UGT8: variants seen among roughly 807,000 people sequenced by gnomAD.
UGT8 encodes the protein 2-hydroxyacylsphingosine 1-beta-galactosyltransferase.
Under a neutral mutation model 40.5 loss-of-function variants are expected in UGT8, and 12 were observed. That is an observed-to-expected ratio of 0.30 (90% CI 0.19 to 0.48). The LOEUF (loss-of-function observed/expected upper bound fraction) is 0.48. Ranked by LOEUF, UGT8 falls within the 20% of genes least tolerant of loss-of-function variation. The pLI is 0.99. For synonymous variants in UGT8, 224 were observed against 240.4 expected (o/e 0.93, Z 0.63); for missense variants, 513 against 648.7 (o/e 0.79, Z 2.27).
intron 1 of UGT8, among the ~76,000 whole-genome samples, chr4:114,602,506 T>A (rs1730500879): frequency 6.6e-6 from 1 of 152,238 alleles, no homozygotes; most frequent in African/African-American, 2.4e-5. Flanking sequence ...ATCTCCTTAA[T>A]CTGAAGCATT....
chr4:114,619,034 T>C (rs766553265), intron 1 of UGT8, among the ~76,000 whole-genome samples: 4 of 152,118 alleles, frequency 2.6e-5, no homozygotes, highest in Non-Finnish European at 5.9e-5. Flanking sequence ...TTAAGATTTA[T>C]ATGGATATCC....
chr4:114,640,312 G>A (rs145290810), intron 2 of UGT8, among the ~76,000 whole-genome samples: 2,673 of 152,226 alleles, frequency 0.018, 32 homozygotes, highest in Non-Finnish European at 0.028. Context: ...TTACAGGCGT[G>A]AGCCACCGCG....
chr4:114,623,788 A>G (rs1732007928), intron 2 of UGT8, 86 bp downstream of exon 2: 2 of 1,431,256 alleles, frequency 1.4e-6, no homozygotes, highest in Admixed American at 2.8e-5. Flanking sequence ...TGTTATTTAT[A>G]TATATTGTAT....
chr4:114,631,496 A>G (rs1732573001), intron 2 of UGT8, among the ~76,000 whole-genome samples: 1 of 152,244 alleles, frequency 6.6e-6, no homozygotes, highest in Non-Finnish European at 1.5e-5. Context: ...CAACAAAAAC[A>G]ACAATAAAAG....
At chr4:114,653,283 A>C (rs1733992293) in intron 2 of UGT8, among the ~76,000 whole-genome samples, 1 of 152,146 alleles carries the variant, frequency 6.6e-6, no homozygotes, top group South Asian at 2.1e-4. Context: ...ATGACGTTAT[A>C]GTCGTAGAAT....
chr4:114,619,901 G>A (rs1731677279), intron 1 of UGT8, among the ~76,000 whole-genome samples: 1 of 151,356 alleles, frequency 6.6e-6, no homozygotes, highest in Non-Finnish European at 1.5e-5. Flanking sequence ...TATTTTATTT[G>A]TATTGCTTAG....
In UGT8 at chr4:114,676,145, G is replaced by T. The variant is rs545962121; in HGVS notation, c.1483G>T (p.Val495Leu). The change falls in exon 6 of 6, where the codon GTG (valine) becomes TTG (leucine). Residue 495 changes from valine (V) to leucine (L), a missense_variant. This residue lies in a region of UGT8 where 175 missense variants were observed against 186.7 expected (regional missense o/e 0.94). Transcript: ENST00000310836. Reference sequence around the variant, plus strand: ...CTTGTTATACTTTCTCTTGTCTTGGGTGACAAAATTTATCTACAGAAAAAT... The same window carrying T: ...CTTGTTATACTTTCTCTTGTCTTGGTTGACAAAATTTATCTACAGAAAAAT... ...AALLYFLLSWVTKFIYRKIKS... is the reference protein window; with the variant it reads ...AALLYFLLSWLTKFIYRKIKS... 6.2e-7 allele frequency: 1 copy of T among 1,614,006 alleles called. No individual in the cohort carries two copies. Among genetic ancestry groups the T allele is most frequent in the South Asian group, 1.1e-5 (1 of 91,078 alleles).
intron 2 of UGT8, among the ~76,000 whole-genome samples, chr4:114,635,028 C>T (rs1170671101): frequency 7.1e-6 from 1 of 141,574 alleles, no homozygotes; most frequent in Non-Finnish European, 1.6e-5. Context: ...ACTAGTGAAG[C>T]TTTTTTTTTT....
At chr4:114,631,297 C>T (rs900234242) in intron 2 of UGT8, among the ~76,000 whole-genome samples, 1 of 152,128 alleles carries the variant, frequency 6.6e-6, no homozygotes, top group African/African-American at 2.4e-5. Context: ...GCCTGGCCAA[C>T]ATGATGTAAC....
intron 2 of UGT8, among the ~76,000 whole-genome samples, chr4:114,661,867 A>G (rs572998466): frequency 1.3e-5 from 2 of 152,330 alleles, no homozygotes; most frequent in South Asian, 4.1e-4. Flanking sequence ...TTCACGTATC[A>G]GTAAAGGCTA....
intron 2 of UGT8, among the ~76,000 whole-genome samples, chr4:114,635,276 C>T (rs943047704): frequency 3.3e-5 from 5 of 151,132 alleles, no homozygotes; most frequent in African/African-American, 1.2e-4. Flanking sequence ...ACTTGAAGCC[C>T]GGAGGCAGAG....
At chr4:114,600,345 C>T (rs1730368316) in intron 1 of UGT8, among the ~76,000 whole-genome samples, 1 of 152,118 alleles carries the variant, frequency 6.6e-6, no homozygotes, top group African/African-American at 2.4e-5. Context: ...GTATCAATGA[C>T]GTGAATGTTA....
At chr4:114,632,213 G>C (rs945811370) in intron 2 of UGT8, among the ~76,000 whole-genome samples, 11 of 152,108 alleles carry the variant, frequency 7.2e-5, no homozygotes, top group African/African-American at 2.4e-4. Flanking sequence ...TTAATTAGCT[G>C]GTTAACAGAG....
chr4:114,612,937 A>G (rs904651017), intron 1 of UGT8, among the ~76,000 whole-genome samples: 3 of 152,124 alleles, frequency 2.0e-5, no homozygotes, highest in African/African-American at 7.2e-5. Context: ...GTTTGATCTT[A>G]ACTGCTTTTT....
chr4:114,633,707 A>G (rs553899098), intron 2 of UGT8, among the ~76,000 whole-genome samples: 25 of 152,306 alleles, frequency 1.6e-4, no homozygotes, highest in Non-Finnish European at 1.2e-4. Flanking sequence ...GCACTTTGGA[A>G]AGCCAAAGTG....
At chr4:114,628,688 C>T (rs1484064487) in intron 2 of UGT8, among the ~76,000 whole-genome samples, 3 of 149,380 alleles carry the variant, frequency 2.0e-5, no homozygotes, top group Non-Finnish European at 4.4e-5. Context: ...GTATTTATGG[C>T]ATCTTAAGTT....
At chr4:114,637,275 G>A (rs747729253) in intron 2 of UGT8, among the ~76,000 whole-genome samples, 9 of 152,160 alleles carry the variant, frequency 5.9e-5, no homozygotes, top group Non-Finnish European at 8.8e-5. Context: ...ACAGTGCCTG[G>A]CATGGTGCTT....
In UGT8 at chr4:114,668,205, C is replaced by A; in HGVS notation, c.1163C>A (p.Thr388Asn). Residue 388 changes from threonine (T) to asparagine (N), a missense_variant, in exon 5 of 6, where the codon ACC becomes AAC. Around this residue, in one of 3 missense-constraint regions of UGT8, gnomAD observed 175 missense variants for 186.7 expected, o/e 0.94. Coordinates refer to ENST00000310836, the MANE Select transcript of UGT8 (RefSeq NM_001128174.3). Reference protein sequence around the residue: ...PLFGDHYDTMTRVQAKGMGIL... With the variant: ...PLFGDHYDTMNRVQAKGMGIL... ...TTTGGAGACCATTATGATACTATGA[C>A]CAGAGTACAGGCAAAAGGCATGGGG... The A allele has an allele frequency of 6.2e-7, 1 of 1,613,766 alleles. No homozygotes were observed. Among genetic ancestry groups the A allele is most frequent in the South Asian group, 1.1e-5 (1 of 91,066 alleles).
intron 5 of UGT8, 118 bp from the exon 6 acceptor site, chr4:114,675,807 C>T: frequency 1.8e-6 from 2 of 1,109,096 alleles, no homozygotes; most frequent in Non-Finnish European, 1.2e-6. Flanking sequence ...CTTGTACATG[C>T]AAGGTACTTA....
Sources: allele counts gnomAD v4.1 joint callset (sites outside exome capture counted in the v4.1 genomes callset), GRCh38; gene constraint gnomAD v4.1.1; regional missense constraint gnomAD v4.1.1; transcripts MANE v1.5; gene names NCBI Gene and HGNC (gene_info 2026-07-23, HGNC 2026-07-21).